The following TMEM273 variants were observed in gnomAD, a reference collection of about 807,000 sequenced individuals.
TMEM273 encodes the protein transmembrane protein 273, also known as chromosome 10 open reading frame 128.
In TMEM273, 19 loss-of-function variants were observed where a neutral mutation model predicts 17.9. That is an observed-to-expected ratio of 1.06 (90% CI 0.74 to 1.55). The LOEUF (loss-of-function observed/expected upper bound fraction) is 1.55. Ranked by LOEUF, TMEM273 falls within the 40% of genes most tolerant of loss-of-function variation. TMEM273 has a pLI of 0.00. For synonymous variants in TMEM273, 66 were observed against 62.0 expected (o/e 1.07, Z -0.31); for missense variants, 194 against 155.6 (o/e 1.25, Z -1.31).
intron 1 of TMEM273, among the ~76,000 whole-genome samples, chr10:49,177,273 T>C (rs1045902601): frequency 6.6e-6 from 1 of 152,194 alleles, no homozygotes; most frequent in Admixed American, 6.5e-5. Context: ...ATCTGGTCTT[T>C]TGGAAATTGA....
chr10:49,177,159 C>T (rs892110777), intron 1 of TMEM273, among the ~76,000 whole-genome samples: 6 of 152,322 alleles, frequency 3.9e-5, no homozygotes, highest in South Asian at 4.1e-4. Flanking sequence ...GACTCACCAG[C>T]GAGTTCCCTT....
At chr10:49,185,036 C>T (rs893568075) in intron 1 of TMEM273, among the ~76,000 whole-genome samples, 3 of 152,244 alleles carry the variant, frequency 2.0e-5, no homozygotes, top group African/African-American at 7.2e-5. Context: ...GAAGGAAGCA[C>T]AGCCAACCCT....
chr10:49,165,487 A>C lies in TMEM273; in HGVS notation c.270-204T>G, dbSNP rs1846116524. 2.1e-6 allele frequency: 3 copies of C among 1,442,308 alleles called. No individual in the cohort carries two copies. In the South Asian group the frequency reaches 4.4e-5, roughly 21 times the overall value. The allele number at this position is 1,442,308 out of a possible 1,614,324, so 89.3% of individuals were successfully genotyped here. ...TCTGAAAGTCAGGGGTATGCACTGA[A>C]GGGGTCTGAGTGGGGGTGGAACAGG... On this transcript the variant is annotated intron_variant, in intron 4 of 6. Transcript: ENST00000374153.
At chr10:49,179,474 C>T (rs1003307758) in intron 1 of TMEM273, among the ~76,000 whole-genome samples, 1 of 152,166 alleles carries the variant, frequency 6.6e-6, no homozygotes, top group Non-Finnish European at 1.5e-5. Context: ...AGCCCAGGGT[C>T]CCTCCCCAAA....
chr10:49,165,764 A>G lies in TMEM273; in HGVS notation c.269+2T>C. ...CCCTGACTGTGTGGGCAGTGACCTT[A>G]CCTTGGGGCTCTCTTCTTTAGCGGG... is the stretch of plus-strand genomic sequence containing the variant. On this transcript the variant is annotated splice_donor_variant, in intron 4 of 6. Transcript: ENST00000374153. LOFTEE classifies it high-confidence loss of function. The G allele has an allele frequency of 1.2e-6, 2 of 1,614,118 alleles. No homozygotes were observed. Among genetic ancestry groups the G allele is most frequent in the Non-Finnish European group, 1.7e-6 (2 of 1,180,016 alleles).
chr10:49,175,881 G>A (rs1197368714), intron 1 of TMEM273, among the ~76,000 whole-genome samples: 1 of 152,174 alleles, frequency 6.6e-6, no homozygotes, highest in African/African-American at 2.4e-5. Context: ...TCCAGGGAGG[G>A]CCAGATCAGA....
chr10:49,182,751 A>G (rs1488328435), intron 1 of TMEM273, among the ~76,000 whole-genome samples: 1 of 152,222 alleles, frequency 6.6e-6, no homozygotes, highest in African/African-American at 2.4e-5. Context: ...TTGATATTTA[A>G]GTAGAAATTT....
chr10:49,174,021 C>T (rs1254556702), intron 1 of TMEM273, among the ~76,000 whole-genome samples: 3 of 152,070 alleles, frequency 2.0e-5, no homozygotes, highest in Non-Finnish European at 4.4e-5. Context: ...AGGGAGACAG[C>T]CCAGCTATGC....
intron 1 of TMEM273, among the ~76,000 whole-genome samples, chr10:49,170,166 CA>C (rs1846464503): frequency 6.6e-6 from 1 of 152,216 alleles, no homozygotes; most frequent in South Asian, 2.1e-4. Context: ...GACATAGGTA[CA>C]CACAGAGACA....
intron 6 of TMEM273, 151 bp from the exon 7 acceptor site, chr10:49,156,060 A>C: frequency 6.5e-7 from 1 of 1,549,222 alleles, no homozygotes; most frequent in Non-Finnish European, 8.7e-7. Flanking sequence ...GCAACATAGA[A>C]AGGAACTGAA....
intron 5 of TMEM273, among the ~76,000 whole-genome samples, chr10:49,162,378 C>T (rs1564622188): frequency 6.6e-6 from 1 of 151,984 alleles, no homozygotes; most frequent in East Asian, 1.9e-4. Flanking sequence ...TGCGTGCGCA[C>T]ACACACAACA....
intron 1 of TMEM273, among the ~76,000 whole-genome samples, chr10:49,186,518 C>T (rs373772270): frequency 1.3e-5 from 2 of 152,136 alleles, no homozygotes. Context: ...TAAATGAGTC[C>T]CCTCATATCC....
chr10:49,170,390 C>T (rs533807342), intron 1 of TMEM273, among the ~76,000 whole-genome samples: 159 of 152,312 alleles, frequency 1.0e-3, no homozygotes, highest in African/African-American at 3.5e-3. Flanking sequence ...TCAGCTCCTT[C>T]TGCCCCTCTC....
chr10:49,157,850 G>C (rs916518239), intron 6 of TMEM273, among the ~76,000 whole-genome samples: 2 of 152,184 alleles, frequency 1.3e-5, no homozygotes, highest in Admixed American at 1.3e-4. Context: ...TCAGAGAGGA[G>C]AAGACAATTA....
intron 3 of TMEM273, 161 bp downstream of exon 3, chr10:49,166,708 G>T (rs544617337): frequency 9.9e-7 from 1 of 1,007,798 alleles, no homozygotes; most frequent in Non-Finnish European, 1.5e-6. Flanking sequence ...GAGGCAAAGG[G>T]TTAGTGAGAG....
At chr10:49,167,761 C>T in intron 2 of TMEM273, 148 bp downstream of exon 2, 14 of 963,322 alleles carry the variant, frequency 1.5e-5, no homozygotes, top group Admixed American at 6.6e-5. Flanking sequence ...CTGTCAGCTG[C>T]TCTGGGGGAC....
chr10:49,174,557 G>C (rs150900794), intron 1 of TMEM273, among the ~76,000 whole-genome samples: 1 of 152,158 alleles, frequency 6.6e-6, no homozygotes, highest in African/African-American at 2.4e-5. Flanking sequence ...TCTTATCAGA[G>C]CATGACTCTA....
At chr10:49,156,186 C>T (rs1235764444) in intron 6 of TMEM273, 16 of 1,483,018 alleles carry the variant, frequency 1.1e-5, no homozygotes, top group Middle Eastern at 1.8e-4. Context: ...AGTCATTCCT[C>T]GAGGTTAATA....
intron 6 of TMEM273, 151 bp downstream of exon 6, chr10:49,161,448 G>A (rs183463230): frequency 1.4e-4 from 123 of 876,020 alleles, no homozygotes; most frequent in Non-Finnish European, 2.0e-4. Context: ...TGGTCTCACA[G>A]CTGTCCTGGC....
Sources: gnomAD v4.1 joint callset for allele counts (sites outside exome capture counted in the v4.1 genomes callset) on GRCh38, gnomAD v4.1.1 for gene constraint, MANE v1.5 for transcripts, NCBI Gene and HGNC (gene_info 2026-07-23, HGNC 2026-07-21) for gene names.